Variants in SCP2 observed in about 807,000 individuals in gnomAD.
The protein encoded by SCP2 is SCP-2/3-oxoacyl-CoA thiolase.
SCP2 carries 48 observed loss-of-function variants against 71.4 expected under a neutral mutation model. The observed-to-expected ratio is 0.67, with a 90% CI of 0.53 to 0.86. The LOEUF is 0.86. Ranked by LOEUF, SCP2 falls within the 40% of genes least tolerant of loss-of-function variation. The probability of loss-of-function intolerance (pLI) is 0.00; values close to 1 mark genes in which losing one functional copy is unlikely to be tolerated. For synonymous variants in SCP2, 220 were observed against 218.1 expected (o/e 1.01, Z -0.08); for missense variants, 560 against 655.6 (o/e 0.85, Z 1.59).
At chr1:53,015,836 C>T (rs1661300397) in intron 12 of SCP2, among the ~76,000 whole-genome samples, 1 of 152,132 alleles carries the variant, frequency 6.6e-6, no homozygotes, top group Non-Finnish European at 1.5e-5. Context: ...TTTACCTCAC[C>T]ACTGAGGTCA....
intron 11 of SCP2, among the ~76,000 whole-genome samples, chr1:53,006,938 C>G (rs1213095048): frequency 6.0e-5 from 9 of 149,446 alleles, no homozygotes; most frequent in South Asian, 2.1e-4. Flanking sequence ...GGAGGAAGAT[C>G]TACCAAGCAA....
chr1:52,991,020 C>A (rs575529903), intron 11 of SCP2, among the ~76,000 whole-genome samples: 29 of 152,228 alleles, frequency 1.9e-4, no homozygotes, highest in Non-Finnish European at 4.4e-5. Flanking sequence ...AGTGCAGGTA[C>A]ACTTTTAGAA....
chr1:52,999,885 C>T (rs535268082), intron 11 of SCP2, among the ~76,000 whole-genome samples: 37 of 141,988 alleles, frequency 2.6e-4, no homozygotes, highest in African/African-American at 9.8e-4. Context: ...GGCATGATCT[C>T]AGCTCATTGC....
intron 10 of SCP2, among the ~76,000 whole-genome samples, chr1:52,984,346 C>T (rs1658778022): frequency 6.6e-6 from 1 of 152,130 alleles, no homozygotes; most frequent in Non-Finnish European, 1.5e-5. Flanking sequence ...TTGACTTGCT[C>T]TATAATCCCC....
chr1:52,953,991 AAC>A (rs1223357044), intron 4 of SCP2, among the ~76,000 whole-genome samples: 1 of 151,372 alleles, frequency 6.6e-6, no homozygotes, highest in African/African-American at 2.4e-5. Flanking sequence ...CAAAAAAAAA[AAC>A]AAAAAAAACA....
intron 12 of SCP2, among the ~76,000 whole-genome samples, chr1:53,022,828 C>G (rs1189634456): frequency 6.6e-6 from 1 of 151,926 alleles, no homozygotes; most frequent in Non-Finnish European, 1.5e-5. Flanking sequence ...TGTAGCAGAG[C>G]CTGTTTTAGG....
chr1:52,985,363 T>G (rs1319537801), intron 10 of SCP2, among the ~76,000 whole-genome samples: 1 of 152,214 alleles, frequency 6.6e-6, no homozygotes, highest in African/African-American at 2.4e-5. Flanking sequence ...GCTTGAATTC[T>G]TTTCTCTCTC....
At chr1:53,019,932 G>T (rs1488061102) in intron 12 of SCP2, among the ~76,000 whole-genome samples, 7 of 152,080 alleles carry the variant, frequency 4.6e-5, no homozygotes, top group Non-Finnish European at 8.8e-5. Flanking sequence ...TGTCATCTAG[G>T]CTGGAGCGCA....
intron 13 of SCP2, among the ~76,000 whole-genome samples, chr1:53,031,826 A>G (rs1481163784): frequency 6.6e-6 from 1 of 152,208 alleles, no homozygotes; most frequent in Non-Finnish European, 1.5e-5. Context: ...TATCTATTTT[A>G]AGGAGGTGGG....
chr1:53,024,032 T>A (rs1260725208), intron 12 of SCP2, among the ~76,000 whole-genome samples: 1 of 152,132 alleles, frequency 6.6e-6, no homozygotes, highest in Non-Finnish European at 1.5e-5. Flanking sequence ...GGCCACAAGA[T>A]TTTTCTCCTT....
intron 1 of SCP2, among the ~76,000 whole-genome samples, chr1:52,936,457 G>A (rs532161230): frequency 3.5e-4 from 54 of 152,270 alleles, no homozygotes; most frequent in African/African-American, 1.3e-3. Context: ...TTTTGTCAAA[G>A]GGATAGAATG....
At chr1:52,994,502 T>G in intron 11 of SCP2, 1 of 183,148 alleles carries the variant, frequency 5.5e-6, no homozygotes, top group Non-Finnish European at 1.1e-5. Context: ...ATATAATTTT[T>G]CATATCTATA....
intron 11 of SCP2, among the ~76,000 whole-genome samples, chr1:53,013,358 G>A (rs1410312096): frequency 6.7e-6 from 1 of 149,768 alleles, no homozygotes; most frequent in Non-Finnish European, 1.5e-5. Context: ...GGCCAAGGTG[G>A]GCAGATCACG....
At chr1:52,943,582 T>C in intron 2 of SCP2, 1 of 360,768 alleles carries the variant, frequency 2.8e-6, no homozygotes. Flanking sequence ...TGTCTGTTGT[T>C]ACTCATTTGG....
intron 12 of SCP2, among the ~76,000 whole-genome samples, chr1:53,024,823 C>T (rs925725300): frequency 1.4e-4 from 22 of 151,918 alleles, no homozygotes; most frequent in African/African-American, 5.3e-4. Flanking sequence ...CCACCTGCCT[C>T]GGCGTCCCAA....
intron 12 of SCP2, among the ~76,000 whole-genome samples, chr1:53,020,894 G>A (rs1052630516): frequency 6.6e-6 from 1 of 152,132 alleles, no homozygotes; most frequent in Non-Finnish European, 1.5e-5. Context: ...TACGCGTACT[G>A]TACGACCGTC....
chr1:52,964,001 A>C (rs961670444), intron 6 of SCP2, among the ~76,000 whole-genome samples: 4 of 152,100 alleles, frequency 2.6e-5, no homozygotes, highest in Non-Finnish European at 5.9e-5. Flanking sequence ...GTTTTGCTTG[A>C]AATTTTCATT....
rs1396713344 is a variant in SCP2 at position 53,043,778 on chromosome 1, GT to G, written c.1469-4079del. On this transcript the variant is annotated intron_variant, in intron 14 of 15. Coordinates refer to ENST00000371514, the MANE Select transcript of SCP2 (RefSeq NM_002979.5). ...TCCTTTCTTGGACTGTTAGGACCAG[GT>G]CCAACTATCTCAGTTTGTTTTTTAC... 2.6e-5 allele frequency among the ~76,000 whole-genome samples: 4 copies of G among 152,156 alleles called. No homozygotes were observed. In the East Asian group the frequency reaches 7.7e-4, roughly 29 times the overall value.
In SCP2 at chr1:52,961,581, G is replaced by T. The variant is rs1009811710; in HGVS notation, c.475G>T (p.Ala159Ser). The T allele has an allele frequency of 1.2e-6, 2 of 1,613,614 alleles. No homozygotes were observed. Among genetic ancestry groups the T allele is most frequent in the African/African-American group, 2.7e-5 (2 of 74,892 alleles). ...NKYGLSAHPV[A>S]PQMFGYAGKE... ...GTATGGATTGTCTGCTCACCCAGTT[G>T]CTCCTCAGATGTTTGGGTATGCTGG... Residue 159 changes from alanine to serine, a missense_variant, in exon 6 of 16, where the codon GCT becomes TCT. By Grantham distance (99) the Ala-to-Ser change is moderately conservative. This residue lies in a region of SCP2 where 513 missense variants were observed against 573.1 expected (regional missense o/e 0.90). Coordinates refer to ENST00000371514, the MANE Select transcript of SCP2 (RefSeq NM_002979.5).
Sources: gnomAD v4.1 joint callset for allele counts (sites outside exome capture counted in the v4.1 genomes callset) on GRCh38, gnomAD v4.1.1 for gene constraint, gnomAD v4.1.1 regional missense constraint, MANE v1.5 for transcripts, NCBI Gene and HGNC (gene_info 2026-07-23, HGNC 2026-07-21) for gene names.